SOX6: variants seen among roughly 807,000 people sequenced by gnomAD.
SOX6 encodes the protein SRY-box transcription factor 6, also known as transcription factor SOX-6.
In SOX6, 11 loss-of-function variants were observed where a neutral mutation model predicts 97.8. The observed-to-expected ratio is 0.11, with a 90% confidence interval of 0.07 to 0.19. SOX6 has a LOEUF of 0.19. SOX6 is among the 10% of genes least tolerant of loss of function. The pLI is 1.00. For missense variants in SOX6, 810 were observed against 1,039.5 expected (o/e 0.78, Z 3.04); for synonymous variants, 360 against 371.4 (o/e 0.97, Z 0.35).
chr11:16,145,256 A>G (rs917508341), intron 6 of SOX6, among the ~76,000 whole-genome samples: 6 of 152,218 alleles, frequency 3.9e-5, no homozygotes, highest in African/African-American at 1.4e-4. Flanking sequence ...AAACCACATG[A>G]TTATCTCAAT....
intron 3 of SOX6, among the ~76,000 whole-genome samples, chr11:16,262,256 G>C (rs1182341958): frequency 6.6e-6 from 1 of 152,078 alleles, no homozygotes; most frequent in Non-Finnish European, 1.5e-5. Context: ...CATCAACAAT[G>C]TAGTCCTGAA....
chr11:16,584,820 C>A (rs1414246400), intron 4 of SOX6, among the ~76,000 whole-genome samples: 3 of 152,214 alleles, frequency 2.0e-5, no homozygotes, highest in African/African-American at 4.8e-5. Context: ...GCCTAGAAAT[C>A]TAGTCTGCAA....
At chr11:16,652,156 G>T (rs180841609) in intron 3 of SOX6, among the ~76,000 whole-genome samples, 39 of 152,244 alleles carry the variant, frequency 2.6e-4, no homozygotes, top group Admixed American at 2.0e-3. Context: ...CGGATGGATA[G>T]AATCAATACT....
intron 12 of SOX6, among the ~76,000 whole-genome samples, chr11:16,028,766 C>T (rs1185413249): frequency 6.6e-6 from 1 of 152,158 alleles, no homozygotes; most frequent in Admixed American, 6.6e-5. Context: ...GCAAACAGAG[C>T]GGATGGGTGC....
At chr11:16,305,939 AGGG>A (rs1855416775) in intron 3 of SOX6, among the ~76,000 whole-genome samples, 1 of 152,188 alleles carries the variant, frequency 6.6e-6, no homozygotes, top group African/African-American at 2.4e-5. Flanking sequence ...ATAGAAGGTG[AGGG>A]ATGCTGGCAT....
chr11:16,376,016 T>C (rs1397772459), intron 1 of SOX6, among the ~76,000 whole-genome samples: 2 of 151,686 alleles, frequency 1.3e-5, no homozygotes, highest in Admixed American at 6.6e-5. Flanking sequence ...CATCACACAA[T>C]GGGGCCTGTC....
chr11:16,496,481 G>A (rs1860598402), intron 4 of SOX6, among the ~76,000 whole-genome samples: 1 of 152,228 alleles, frequency 6.6e-6, no homozygotes, highest in African/African-American at 2.4e-5. Context: ...GCAGGACAGT[G>A]GGTGCAATGC....
intron 3 of SOX6, among the ~76,000 whole-genome samples, chr11:16,272,089 C>G (rs1389134824): frequency 6.6e-6 from 1 of 151,126 alleles, no homozygotes; most frequent in Non-Finnish European, 1.5e-5. Flanking sequence ...TTATATTTCC[C>G]CTTTTATTTA....
chr11:16,492,974 G>T (rs141747827), intron 4 of SOX6, among the ~76,000 whole-genome samples: 1 of 152,126 alleles, frequency 6.6e-6, no homozygotes, highest in African/African-American at 2.4e-5. Flanking sequence ...TAAATAATGG[G>T]AGAAAGTATA....
Position 16,004,293 on chromosome 11 carries a change from C to T in SOX6, c.1732+10649G>A, listed in dbSNP as rs1854488952. Among the ~76,000 whole-genome samples, 3 of 151,908 alleles carry T rather than the reference C, an allele frequency of 2.0e-5. No homozygotes were observed. In the East Asian group the frequency reaches 5.8e-4, roughly 29 times the overall value. On this transcript the variant is annotated intron_variant, in intron 13 of 15. Transcript: ENST00000683767. ...AATGGCAAAAATCACAATGGGCACT[C>T]AAATGTAACTATCCCCAAATTTCAC...
chr11:16,441,001 T>C (rs533447270), intron 1 of SOX6, among the ~76,000 whole-genome samples: 80 of 152,274 alleles, frequency 5.3e-4, no homozygotes, highest in Non-Finnish European at 9.6e-4. Flanking sequence ...TCAGCCACCC[T>C]AAAAGCACTG....
intron 12 of SOX6, among the ~76,000 whole-genome samples, chr11:16,025,367 A>G (rs187240081): frequency 2.0e-5 from 3 of 152,330 alleles, no homozygotes. Context: ...ACAAACTCCT[A>G]TTAAAACTGA....
intron 6 of SOX6, among the ~76,000 whole-genome samples, chr11:16,174,376 G>A (rs1025431776): frequency 1.3e-5 from 2 of 151,792 alleles, no homozygotes; most frequent in Non-Finnish European, 2.9e-5. Context: ...TTTCTTAATG[G>A]ATTGAGCAGT....
intron 3 of SOX6, among the ~76,000 whole-genome samples, chr11:16,711,883 G>A (rs189360438): frequency 6.6e-6 from 1 of 151,866 alleles, no homozygotes; most frequent in African/African-American, 2.4e-5. Flanking sequence ...ACACTTCCCC[G>A]CAAATCCCCG....
chr11:16,335,883 TA>T (rs993145872), intron 2 of SOX6, among the ~76,000 whole-genome samples: 1 of 152,204 alleles, frequency 6.6e-6, no homozygotes, highest in African/African-American at 2.4e-5. Context: ...AATAGTTATT[TA>T]TTAAATATCT....
At chr11:16,280,735 T>C (rs569073226) in intron 3 of SOX6, among the ~76,000 whole-genome samples, 5 of 152,282 alleles carry the variant, frequency 3.3e-5, no homozygotes, top group Admixed American at 3.3e-4. Context: ...TATTATCTTG[T>C]GTACGGTTGA....
chr11:16,696,028 TAAAC>T (rs756286448), intron 3 of SOX6, among the ~76,000 whole-genome samples: 25 of 152,092 alleles, frequency 1.6e-4, no homozygotes, highest in Admixed American at 2.6e-4. Context: ...AATAAATGAA[TAAAC>T]AAACAAACAA....
At chr11:16,118,725 G>A (rs1317728719) in intron 6 of SOX6, among the ~76,000 whole-genome samples, 2 of 152,136 alleles carry the variant, frequency 1.3e-5, no homozygotes, top group Non-Finnish European at 2.9e-5. Flanking sequence ...TGACACTCAG[G>A]GGGCTCATTT....
intron 4 of SOX6, among the ~76,000 whole-genome samples, chr11:16,200,055 A>G (rs183453288): frequency 3.3e-5 from 5 of 152,328 alleles, no homozygotes; most frequent in African/African-American, 7.2e-5. Context: ...ATGACTGTCC[A>G]TGGAGTCACA....
Sources: allele counts gnomAD v4.1 joint callset (sites outside exome capture counted in the v4.1 genomes callset), GRCh38; gene constraint gnomAD v4.1.1; transcripts MANE v1.5; gene names NCBI Gene and HGNC (gene_info 2026-07-23, HGNC 2026-07-21).